Variants in MB21D2 observed in about 807,000 individuals in gnomAD.
MB21D2 encodes the protein nucleotidyltransferase MB21D2.
In MB21D2, 9 loss-of-function variants were observed where a neutral mutation model predicts 33.3. The ratio of observed to expected loss-of-function variants is 0.27; its 90% CI spans 0.16 to 0.47. The LOEUF (loss-of-function observed/expected upper bound fraction) is 0.47. Among genes scored for constraint, MB21D2 ranks in the 20% least tolerant of loss-of-function variants. The pLI is 0.99. For missense variants in MB21D2, 540 were observed against 624.6 expected, an observed-to-expected ratio of 0.86 and a Z score of 1.44; for synonymous variants, 241 against 236.3, an observed-to-expected ratio of 1.02 and a Z score of -0.18.
chr3:192,817,013 T>G (rs1711940411), intron 1 of MB21D2, among the ~76,000 whole-genome samples: 2 of 152,252 alleles, frequency 1.3e-5, no homozygotes, highest in African/African-American at 4.8e-5. Context: ...TAAAATCACA[T>G]TCTGTTCACA....
At chr3:192,803,671 C>A (rs1711599164) in intron 1 of MB21D2, among the ~76,000 whole-genome samples, 1 of 152,124 alleles carries the variant, frequency 6.6e-6, no homozygotes, top group East Asian at 1.9e-4. Context: ...TGCCATGCAA[C>A]CAAAACACAG....
At chr3:192,914,256 A>T (rs1488657957) in intron 1 of MB21D2, among the ~76,000 whole-genome samples, 1 of 152,204 alleles carries the variant, frequency 6.6e-6, no homozygotes, top group East Asian at 1.9e-4. Context: ...TGGGAAAGCA[A>T]TACCTCCTCA....
At chr3:192,816,242 G>A (rs765655374) in intron 1 of MB21D2, among the ~76,000 whole-genome samples, 4 of 151,516 alleles carry the variant, frequency 2.6e-5, no homozygotes, top group African/African-American at 7.3e-5. Flanking sequence ...AGATGGTTCC[G>A]ACTTGAGAAA....
At chr3:192,832,544 C>A (rs781009810) in intron 1 of MB21D2, among the ~76,000 whole-genome samples, 60 of 152,214 alleles carry the variant, frequency 3.9e-4, no homozygotes, top group African/African-American at 1.4e-3. Context: ...GTAATCCCAG[C>A]ACCTTGAGAG....
chr3:192,831,030 C>T (rs1308133742), intron 1 of MB21D2, among the ~76,000 whole-genome samples: 3 of 152,326 alleles, frequency 2.0e-5, no homozygotes, highest in Middle Eastern at 3.4e-3. Context: ...CATACCCTTG[C>T]GTAGTCCCCT....
intron 1 of MB21D2, among the ~76,000 whole-genome samples, chr3:192,857,168 C>A (rs1034261365): frequency 2.0e-5 from 3 of 152,154 alleles, no homozygotes; most frequent in Non-Finnish European, 4.4e-5. Flanking sequence ...ACTGCCTAAT[C>A]AAAAACAACA....
chr3:192,910,869 C>G (rs1714336738), intron 1 of MB21D2, among the ~76,000 whole-genome samples: 1 of 152,186 alleles, frequency 6.6e-6, no homozygotes, highest in African/African-American at 2.4e-5. Context: ...AAAACACATA[C>G]CACATAGTAC....
chr3:192,825,528 T>C (rs1185503978), intron 1 of MB21D2, among the ~76,000 whole-genome samples: 1 of 152,070 alleles, frequency 6.6e-6, no homozygotes, highest in Admixed American at 6.5e-5. Context: ...AAAGCAAACA[T>C]TCTCTCCTAT....
At chr3:192,860,325 T>C (rs769708635) in intron 1 of MB21D2, among the ~76,000 whole-genome samples, 5 of 152,232 alleles carry the variant, frequency 3.3e-5, no homozygotes, top group African/African-American at 4.8e-5. Context: ...CTGACCCTGA[T>C]GTAGAAGGCT....
intron 1 of MB21D2, among the ~76,000 whole-genome samples, chr3:192,842,474 C>A (rs916058012): frequency 1.3e-5 from 2 of 152,146 alleles, no homozygotes; most frequent in Non-Finnish European, 2.9e-5. Flanking sequence ...ATATTGTAGA[C>A]GTTATAGACA....
At chr3:192,897,854 G>C (rs1714011180) in intron 1 of MB21D2, among the ~76,000 whole-genome samples, 1 of 151,942 alleles carries the variant, frequency 6.6e-6, no homozygotes, top group Admixed American at 6.6e-5. Context: ...TAGCTGAGAG[G>C]GCATGTAGTC....
intron 1 of MB21D2, among the ~76,000 whole-genome samples, chr3:192,876,732 T>C (rs1323063734): frequency 1.3e-5 from 2 of 152,230 alleles, no homozygotes; most frequent in Non-Finnish European, 2.9e-5. Context: ...CCTGGGTTCA[T>C]GGCCTTTGAA....
chr3:192,913,177 C>T (rs971062773), intron 1 of MB21D2, among the ~76,000 whole-genome samples: 1 of 152,176 alleles, frequency 6.6e-6, no homozygotes, highest in Non-Finnish European at 1.5e-5. Flanking sequence ...AGGAGGATTG[C>T]TTGAACTCAG....
intron 1 of MB21D2, among the ~76,000 whole-genome samples, chr3:192,835,691 T>C (rs907801805): frequency 6.6e-6 from 1 of 152,026 alleles, no homozygotes; most frequent in East Asian, 1.9e-4. Context: ...AACTAAAAAA[T>C]TTAGATGAAT....
At chr3:192,846,561 A>G (rs1186274841) in intron 1 of MB21D2, among the ~76,000 whole-genome samples, 1 of 152,164 alleles carries the variant, frequency 6.6e-6, no homozygotes, top group Non-Finnish European at 1.5e-5. Flanking sequence ...TCCAACTCCT[A>G]ACCCACTCAT....
chr3:192,814,607 A>C (rs982184237), intron 1 of MB21D2, among the ~76,000 whole-genome samples: 4 of 152,136 alleles, frequency 2.6e-5, no homozygotes, highest in Admixed American at 2.0e-4. Flanking sequence ...TCACACCTGT[A>C]ATCCCAGCAC....
At chr3:192,843,747 T>G (rs1483374553) in intron 1 of MB21D2, among the ~76,000 whole-genome samples, 1 of 152,122 alleles carries the variant, frequency 6.6e-6, no homozygotes, top group East Asian at 1.9e-4. Context: ...TTATTTCACT[T>G]CCTGGAGGCC....
intron 1 of MB21D2, among the ~76,000 whole-genome samples, chr3:192,909,220 C>T (rs1351461144): frequency 4.6e-5 from 7 of 150,538 alleles, no homozygotes; most frequent in Non-Finnish European, 7.4e-5. Context: ...CGCACCACTG[C>T]ACTCCAGCCT....
intron 1 of MB21D2, among the ~76,000 whole-genome samples, chr3:192,861,659 C>T (rs999678707): frequency 6.6e-6 from 1 of 152,112 alleles, no homozygotes; most frequent in Non-Finnish European, 1.5e-5. Flanking sequence ...ACGAAATTAG[C>T]CGGGCGTGGT....
Sources: allele counts gnomAD v4.1 joint callset (sites outside exome capture counted in the v4.1 genomes callset), GRCh38; gene constraint gnomAD v4.1.1; transcripts MANE v1.5; gene names NCBI Gene and HGNC (gene_info 2026-07-23, HGNC 2026-07-21).